AMPH: variants seen among roughly 807,000 people sequenced by gnomAD.
AMPH encodes amphiphysin (Stiff-Mann syndrome with breast cancer 128kD autoantigen).
Under a neutral mutation model 99.1 loss-of-function variants are expected in AMPH, and 49 were observed. That is an observed-to-expected ratio of 0.49 (90% CI 0.39 to 0.63). The LOEUF (loss-of-function observed/expected upper bound fraction) is 0.63, where lower values mean the gene tolerates loss of function less well. Ranked by LOEUF, AMPH falls within the 20% of genes least tolerant of loss-of-function variation. The pLI, the probability that AMPH is intolerant of heterozygous loss-of-function variation, is 0.00. For synonymous variants in AMPH, 314 were observed against 317.3 expected, an observed-to-expected ratio of 0.99 and a Z score of 0.11; for missense variants, 759 against 863.4, an observed-to-expected ratio of 0.88 and a Z score of 1.52.
At chr7:38,514,915 T>G (rs1173624000) in intron 2 of AMPH, among the ~76,000 whole-genome samples, 6 of 152,108 alleles carry the variant, frequency 3.9e-5, no homozygotes, top group Non-Finnish European at 2.9e-5. Flanking sequence ...GGGTAATGGA[T>G]AGAGGATGGA....
chr7:38,468,673 G>A (rs1458605590), intron 7 of AMPH, among the ~76,000 whole-genome samples: 2 of 152,198 alleles, frequency 1.3e-5, no homozygotes, highest in Non-Finnish European at 2.9e-5. Flanking sequence ...ATCCTGCAAA[G>A]AGGGGAATGC....
intron 17 of AMPH, among the ~76,000 whole-genome samples, chr7:38,402,112 C>T (rs931360158): frequency 6.6e-6 from 1 of 152,104 alleles, no homozygotes; most frequent in African/African-American, 2.4e-5. Flanking sequence ...TATTACATTT[C>T]CTCCCCTTAA....
Position 38,391,895 on chromosome 7 carries a change from G to C in AMPH, c.1731C>G (p.Pro577=). 1.9e-6 allele frequency: 3 copies of C among 1,612,552 alleles called. No individual in the cohort carries two copies. Among genetic ancestry groups the C allele is most frequent in the Non-Finnish European group, 2.5e-6 (3 of 1,179,678 alleles). The change falls in exon 19 of 21, where the codon CCC becomes CCG. Residue 577 remains proline, a synonymous_variant. Coordinates refer to ENST00000356264, the MANE Select transcript of AMPH (RefSeq NM_001635.4). ...ETTEDAAPPG[P]TSETPELATE... ...TAGCCAGCTCCGGTGTCTCGCTGGT[G>C]GGGCCCGGAGGAGCCGCGTCCTCGG...
chr7:38,410,468 T>G (rs1253205960), intron 17 of AMPH, among the ~76,000 whole-genome samples: 1 of 152,200 alleles, frequency 6.6e-6, no homozygotes, highest in Non-Finnish European at 1.5e-5. Context: ...GCCTTTGAAC[T>G]GGCCATGGCA....
intron 11 of AMPH, 62 bp from the exon 12 acceptor site, chr7:38,436,450 G>T: frequency 8.3e-7 from 1 of 1,202,356 alleles, no homozygotes; most frequent in South Asian, 1.2e-5. Flanking sequence ...ATAAGACCAT[G>T]ATATAGCCCA....
rs193202864 is a variant in AMPH, at chr7:38,546,190, G to C, written c.70-11179C>G. Among the ~76,000 whole-genome samples the C allele has an allele frequency of 6.6e-5, 10 of 152,308 alleles. No homozygotes were observed. The East Asian group carries it at 1.7e-3, about 26-fold the overall frequency. On this transcript the variant is annotated intron_variant, in intron 1 of 20. Transcript: ENST00000356264. The stretch of plus-strand genomic sequence containing the variant: ...ATGCTGCCCCTTCTGGCTATCTGAG[G>C]CTGCCTATGTCAGAGCACACAGCTT...
At chr7:38,536,741 A>T (rs1584219295) in intron 1 of AMPH, among the ~76,000 whole-genome samples, 1 of 152,280 alleles carries the variant, frequency 6.6e-6, no homozygotes, top group East Asian at 1.9e-4. Flanking sequence ...GGAATCTAGT[A>T]TCATAAATAT....
chr7:38,428,151 A>G (rs1785854557), intron 14 of AMPH: 1 of 456,636 alleles, frequency 2.2e-6, no homozygotes, highest in African/African-American at 2.0e-5. Context: ...CCAGTGGTTA[A>G]TAGAATCCAG....
chr7:38,464,117 A>C (rs1007683274), intron 9 of AMPH: 3 of 1,289,822 alleles, frequency 2.3e-6, no homozygotes, highest in Admixed American at 4.6e-5. Context: ...AATGTTGAAA[A>C]AAAGTGAAAG....
intron 2 of AMPH, among the ~76,000 whole-genome samples, chr7:38,516,447 G>C (rs2129032480): frequency 6.6e-6 from 1 of 152,322 alleles, no homozygotes; most frequent in African/African-American, 2.4e-5. Flanking sequence ...CTTCCATACA[G>C]TGTTATGCCT....
chr7:38,572,874 G>A (rs113043145), intron 1 of AMPH, among the ~76,000 whole-genome samples: 6 of 152,232 alleles, frequency 3.9e-5, no homozygotes, highest in African/African-American at 1.2e-4. Flanking sequence ...CAGAGGAAGC[G>A]TGAGCATGGC....
intron 1 of AMPH, among the ~76,000 whole-genome samples, chr7:38,593,465 G>A (rs913805850): frequency 6.6e-6 from 1 of 152,336 alleles, no homozygotes; most frequent in East Asian, 1.9e-4. Flanking sequence ...CAGCGTTCCT[G>A]AGTGGCTCTT....
chr7:38,581,713 T>C (rs1013376944), intron 1 of AMPH, among the ~76,000 whole-genome samples: 3 of 152,042 alleles, frequency 2.0e-5, no homozygotes, highest in African/African-American at 7.2e-5. Context: ...ACGGTGTTGG[T>C]AGTAGTGGAG....
At chr7:38,539,458 A>T (rs1337624510) in intron 1 of AMPH, among the ~76,000 whole-genome samples, 1 of 152,222 alleles carries the variant, frequency 6.6e-6, no homozygotes, top group Non-Finnish European at 1.5e-5. Flanking sequence ...GGGGTCACAC[A>T]GTAAGAAAAG....
chr7:38,625,253 T>A (rs1001616521), intron 1 of AMPH, among the ~76,000 whole-genome samples: 2 of 152,054 alleles, frequency 1.3e-5, no homozygotes, highest in East Asian at 3.9e-4. Context: ...GGCAGAGGCA[T>A]CCAAAAAGGA....
chr7:38,479,861 G>A (rs1469144642), intron 5 of AMPH, among the ~76,000 whole-genome samples: 2 of 151,794 alleles, frequency 1.3e-5, no homozygotes, highest in African/African-American at 4.8e-5. Flanking sequence ...TAAGTAGAAC[G>A]AATAAGGAAG....
chr7:38,432,736 G>C (rs184650411), intron 12 of AMPH, among the ~76,000 whole-genome samples: 31 of 152,152 alleles, frequency 2.0e-4, no homozygotes, highest in Non-Finnish European at 3.8e-4. Context: ...CATTCAAGAG[G>C]ATGTAGGATG....
chr7:38,472,166 G>T (rs1227180908), intron 7 of AMPH, among the ~76,000 whole-genome samples: 1 of 152,058 alleles, frequency 6.6e-6, no homozygotes, highest in Non-Finnish European at 1.5e-5. Context: ...ATAGTTTGAT[G>T]CATTAATAAC....
chr7:38,549,432 T>G (rs1379828995), intron 1 of AMPH, among the ~76,000 whole-genome samples: 6 of 152,158 alleles, frequency 3.9e-5, no homozygotes, highest in African/African-American at 1.4e-4. Context: ...AAACAATTTT[T>G]GGGAAAAAGG....
Sources: gnomAD v4.1 joint callset for allele counts (sites outside exome capture counted in the v4.1 genomes callset) on GRCh38, gnomAD v4.1.1 for gene constraint, MANE v1.5 for transcripts, NCBI Gene and HGNC (gene_info 2026-07-23, HGNC 2026-07-21) for gene names.